RBM43: variants seen among roughly 807,000 people sequenced by gnomAD.
RBM43 encodes RNA binding motif protein 43, also known as RNA-binding protein 43.
Under a neutral mutation model 12.4 loss-of-function variants are expected in RBM43, and 12 were observed. The ratio of observed to expected loss-of-function variants is 0.97; its 90% CI spans 0.62 to 1.57. The LOEUF (loss-of-function observed/expected upper bound fraction) is 1.57. Among genes scored for constraint, RBM43 ranks in the 40% most tolerant of loss-of-function variants. The probability of loss-of-function intolerance (pLI) is 0.00; values close to 1 mark genes in which losing one functional copy is unlikely to be tolerated. For missense variants in RBM43, 348 were observed against 400.1 expected (o/e 0.87, Z 1.11); for synonymous variants, 138 against 145.7 (o/e 0.95, Z 0.38).
At chr2:151,252,716 A>T (rs780202915) in intron 3 of RBM43, 39 bp downstream of exon 3, 3 of 1,098,776 alleles carry the variant, frequency 2.7e-6, no homozygotes, top group African/African-American at 3.1e-5. Context: ...AAGAAATGGG[A>T]TACAGGACTA....
rs747489900 is a variant in RBM43 at position 151,250,921 on chromosome 2, C to A, written c.1059G>T (p.Gly353=). The A allele has an allele frequency of 4.5e-5, 72 of 1,594,076 alleles. 1 individual carries two copies. The highest frequency in any genetic ancestry group is 5.6e-5 in the Non-Finnish European group (65 of 1,170,180). ...LFKKGVMKLI[G]QKVS is the part of the protein sequence containing the mutation. ...TGAGATTTTATTAACTAACCTTTTG[C>A]CCTATTAATTTCATGACCCCTTTTT... The change falls in exon 4 of 4, where the codon GGG becomes GGT. Residue 353 remains glycine, a synonymous_variant. Coordinates refer to ENST00000331426, the MANE Select transcript of RBM43 (RefSeq NM_198557.3).
intron 2 of RBM43, among the ~76,000 whole-genome samples, chr2:151,253,267 T>C (rs936238510): frequency 6.6e-6 from 1 of 152,226 alleles, no homozygotes; most frequent in Non-Finnish European, 1.5e-5. Context: ...TGGCGAGACC[T>C]GGACCTCAGG....
rs1199457640 is a variant in RBM43 at position 151,250,685 on chromosome 2, G to A, written c.*221C>T. ...TGTGTAATCAGATAGACTGGGCTAA[G>A]CCACAGCCTCATTCTTTGTCAACTG... On this transcript the variant is annotated 3_prime_UTR_variant, in exon 4 of 4. Coordinates refer to ENST00000331426, the MANE Select transcript of RBM43 (RefSeq NM_198557.3). The A allele has an allele frequency of 6.9e-6, 3 of 433,318 alleles. No homozygotes were observed. The highest frequency in any genetic ancestry group is 1.2e-5 in the Non-Finnish European group (3 of 246,068). The allele number at this position is 433,318 out of a possible 1,614,324, so 26.8% of individuals were successfully genotyped here. A position where few individuals can be genotyped will look rare whatever the true frequency, so the allele number is the denominator to read the frequency against.
At chr2:151,261,663 G>T (rs1301724309) in intron 1 of RBM43, 62 bp downstream of exon 1, 10 of 1,570,970 alleles carry the variant, frequency 6.4e-6, no homozygotes, top group Non-Finnish European at 7.8e-6. Flanking sequence ...CCCTTCTAGG[G>T]GACCATGGCG....
rs190350587 is a variant in RBM43, at chr2:151,251,776, C to T, written c.316-112G>A. On this transcript the variant is annotated intron_variant, in intron 3 of 3. Transcript: ENST00000331426. ...CTGCAGAAATTGCAATAAACCAGGC[C>T]CCAGTTGCCTGCCCCAGACTTCCTG... The T allele has an allele frequency of 9.4e-5, 98 of 1,038,708 alleles. No individual in the cohort carries two copies. In the African/African-American group the frequency reaches 1.2e-3, roughly 13 times the overall value. The allele number at this position is 1,038,708 out of a possible 1,614,324, so 64.3% of individuals were successfully genotyped here. A position where few individuals can be genotyped will look rare whatever the true frequency, so the allele number is the denominator to read the frequency against.
At chr2:151,256,479 A>G (rs1682977834) in intron 1 of RBM43, among the ~76,000 whole-genome samples, 1 of 152,190 alleles carries the variant, frequency 6.6e-6, no homozygotes, top group South Asian at 2.1e-4. Flanking sequence ...AGTAAGAAAC[A>G]CATCCCCTAC....
intron 3 of RBM43, 49 bp downstream of exon 3, chr2:151,252,706 A>C: frequency 9.7e-7 from 1 of 1,027,344 alleles, no homozygotes; most frequent in Non-Finnish European, 1.5e-6. Flanking sequence ...AACTTCAAAA[A>C]AGAAATGGGA....
At chr2:151,255,884 G>C in intron 1 of RBM43, 141 bp from the exon 2 acceptor site, 1 of 633,822 alleles carries the variant, frequency 1.6e-6, no homozygotes, top group East Asian at 2.7e-5. Flanking sequence ...AGGGGTGTAG[G>C]GGAGTAAATC....
chr2:151,250,218 A>G lies in RBM43; in HGVS notation c.*688T>C, dbSNP rs1682876926. ...GCCCATGGCATAATAATCACCTTTCAAATTTCTCATATGTTAAGGCTACTT... is the reference window on the plus strand; with the variant it reads ...GCCCATGGCATAATAATCACCTTTCGAATTTCTCATATGTTAAGGCTACTT... On this transcript the variant is annotated 3_prime_UTR_variant, in exon 4 of 4. Coordinates refer to ENST00000331426, the MANE Select transcript of RBM43 (RefSeq NM_198557.3). 1 of 133,784 alleles carries G rather than the reference A, an allele frequency of 7.5e-6. No individual in the cohort carries two copies. The highest frequency in any genetic ancestry group is 7.3e-5 in the Admixed American group (1 of 13,698). The allele number at this position is 133,784 out of a possible 1,614,324, so 8.3% of individuals were successfully genotyped here.
At chr2:151,254,873 A>G (rs1465208873) in intron 2 of RBM43, among the ~76,000 whole-genome samples, 3 of 152,162 alleles carry the variant, frequency 2.0e-5, no homozygotes, top group Non-Finnish European at 4.4e-5. Context: ...AAATTCCCAA[A>G]GTAGTCATCT....
chr2:151,251,877 C>T (rs531250943), intron 3 of RBM43, among the ~76,000 whole-genome samples: 31 of 152,312 alleles, frequency 2.0e-4, no homozygotes, highest in African/African-American at 7.5e-4. Flanking sequence ...TCACCACATA[C>T]CCCAAAACAG....
chr2:151,251,460 A>G lies in RBM43; in HGVS notation c.520T>C (p.Leu174=). 5 of 1,614,176 alleles carry G rather than the reference A, an allele frequency of 3.1e-6. No individual in the cohort carries two copies. Among genetic ancestry groups the G allele is most frequent in the Non-Finnish European group, 4.2e-6 (5 of 1,180,020 alleles). ...CTGGTAAAATTTCTGTCTTTTTCTA[A>G]GAGAGAACATGCTCTTGCTAGCAAA... ...ESLLARACSL[L]EKDRNFTSEE... is the part of the protein sequence containing the mutation. Residue 174 remains leucine (L), a synonymous_variant, in exon 4 of 4, where the codon TTA becomes CTA. Transcript: ENST00000331426.
chr2:151,258,048 G>A lies in RBM43; in HGVS notation c.4-2305C>T, dbSNP rs559776543. Among the ~76,000 whole-genome samples the A allele has an allele frequency of 5.9e-5, 9 of 151,584 alleles. No homozygotes were observed. In the South Asian group the frequency reaches 6.3e-4, roughly 11 times the overall value. On this transcript the variant is annotated intron_variant, in intron 1 of 3. Transcript: ENST00000331426. Reference sequence around the variant, plus strand: ...GTGCCATTGCACTCCAGCCCTGGACGACAAGAGCAAAACTCCATCTAAAAA... The same window carrying A: ...GTGCCATTGCACTCCAGCCCTGGACAACAAGAGCAAAACTCCATCTAAAAA...
chr2:151,257,519 C>T (rs1391468975), intron 1 of RBM43, among the ~76,000 whole-genome samples: 1 of 151,662 alleles, frequency 6.6e-6, no homozygotes, highest in African/African-American at 2.4e-5. Context: ...TGGAGAAACC[C>T]CGTCTGTACT....
At position 151,251,578 on chromosome 2, in the gene RBM43, T is replaced by TA. The variant is rs767284390; in HGVS notation, c.401_402insT (p.Lys134AsnfsTer50). The stretch of plus-strand genomic sequence containing the variant: ...GACTGAAGCTTAAACTCGGGATTTT[T>TA]TTTTTCAGGTCTTTTACCAGAGTTT... On this transcript the variant is annotated frameshift_variant, in exon 4 of 4. Coordinates refer to ENST00000331426, the MANE Select transcript of RBM43 (RefSeq NM_198557.3). LOFTEE classifies it low-confidence loss of function (END_TRUNC). The TA allele has an allele frequency of 1.4e-5, 23 of 1,614,092 alleles. No individual in the cohort carries two copies. The highest frequency in any genetic ancestry group is 1.9e-5 in the Non-Finnish European group (23 of 1,180,040).
chr2:151,254,916 T>G (rs908954180), intron 2 of RBM43, among the ~76,000 whole-genome samples: 3 of 152,022 alleles, frequency 2.0e-5, no homozygotes, highest in African/African-American at 4.8e-5. Context: ...CTTTGTGGGG[T>G]TTTTCTCCAT....
At chr2:151,256,687 C>T (rs1370324849) in intron 1 of RBM43, among the ~76,000 whole-genome samples, 4 of 152,094 alleles carry the variant, frequency 2.6e-5, no homozygotes, top group South Asian at 2.1e-4. Flanking sequence ...GGCGTGATGG[C>T]GGGCGCCTGT....
intron 1 of RBM43, among the ~76,000 whole-genome samples, chr2:151,257,555 TG>T (rs1558870144): frequency 1.3e-5 from 2 of 151,568 alleles, no homozygotes; most frequent in Non-Finnish European, 2.9e-5. Flanking sequence ...TAGCCTGGCA[TG>T]GTGGTGCATG....
At position 151,250,663 on chromosome 2, in the gene RBM43, G is replaced by T; in HGVS notation, c.*243C>A. ...GTTTTATTCCTTAGATATTATCTGT[G>T]TAATCAGATAGACTGGGCTAAGCCA... On this transcript the variant is annotated 3_prime_UTR_variant, in exon 4 of 4. Transcript: ENST00000331426. 1 of 357,166 alleles carries T rather than the reference G, an allele frequency of 2.8e-6. No individual in the cohort carries two copies. Among genetic ancestry groups the T allele is most frequent in the Non-Finnish European group, 5.0e-6 (1 of 199,710 alleles). The allele number at this position is 357,166 out of a possible 1,614,324, so 22.1% of individuals were successfully genotyped here. A position where few individuals can be genotyped will look rare whatever the true frequency, so the allele number is the denominator to read the frequency against.
Sources: gnomAD v4.1 joint callset for allele counts (sites outside exome capture counted in the v4.1 genomes callset) on GRCh38, gnomAD v4.1.1 for gene constraint, MANE v1.5 for transcripts, NCBI Gene and HGNC (gene_info 2026-07-23, HGNC 2026-07-21) for gene names.